Variants in ABL1 observed in about 807,000 individuals in gnomAD.
ABL1 encodes tyrosine-protein kinase ABL1.
ABL1 carries 11 observed loss-of-function variants against 94.7 expected under a neutral mutation model. The ratio of observed to expected loss-of-function variants is 0.12; its 90% CI spans 0.07 to 0.19. ABL1 has a LOEUF of 0.19. ABL1 is among the 10% of genes least tolerant of loss of function. The probability of loss-of-function intolerance (pLI) is 1.00; values close to 1 mark genes in which losing one functional copy is unlikely to be tolerated. For missense variants in ABL1, 1,082 were observed against 1,489.4 expected (o/e 0.73, Z 4.50); for synonymous variants, 656 against 622.4 (o/e 1.05, Z -0.80).
intron 1 of ABL1, chr9:130,724,690 CTACCTGGGATT>C (rs1292165847): frequency 1.8e-5 from 6 of 337,868 alleles, no homozygotes; most frequent in Non-Finnish European, 3.0e-5. Flanking sequence ...GTAATCCCAG[CTACCTGGGATT>C]GTGCCACTGC....
chr9:130,806,403 G>A (rs1181557703), intron 1 of ABL1, among the ~76,000 whole-genome samples: 1 of 152,192 alleles, frequency 6.6e-6, no homozygotes, highest in Non-Finnish European at 1.5e-5. Flanking sequence ...ACTGTAGGTA[G>A]TTGTACCAAT....
chr9:130,836,000 C>T lies in ABL1; in HGVS notation c.79+475C>T, dbSNP rs947471264. ...GGGACTGTGTGTTAAAAAGATCGACCCGTGTTTGTGAAAACATGCGATTTC... is the reference window on the plus strand; with the variant it reads ...GGGACTGTGTGTTAAAAAGATCGACTCGTGTTTGTGAAAACATGCGATTTC... On this transcript the variant is annotated intron_variant, in intron 1 of 10. Coordinates refer to ENST00000318560, the MANE Select transcript of ABL1 (RefSeq NM_005157.6). The surrounding 1 kb of genome is among the most constrained non-coding windows in gnomAD (Gnocchi z 4.6). 1.6e-4 allele frequency among the ~76,000 whole-genome samples: 24 copies of T among 152,244 alleles called. No individual in the cohort carries two copies. Among genetic ancestry groups the T allele is most frequent in the Non-Finnish European group, 2.8e-4 (19 of 68,044 alleles).
At chr9:130,735,087 T>C (rs1053451091) in intron 1 of ABL1, among the ~76,000 whole-genome samples, 1 of 152,152 alleles carries the variant, frequency 6.6e-6, no homozygotes. Context: ...TGGAGTGCAA[T>C]GGCATGATCT....
intron 4 of ABL1, among the ~76,000 whole-genome samples, chr9:130,870,072 C>T (rs1831228014): frequency 6.6e-6 from 1 of 152,202 alleles, no homozygotes; most frequent in African/African-American, 2.4e-5. Context: ...CTTGGCCTCC[C>T]AAAGTGTTGG....
Position 130,859,953 on chromosome 9 carries a change from A to G in ABL1, c.550-2810A>G, listed in dbSNP as rs371390413. ...CTTGGCCTCCCAAAGTGCTGGGATT[A>G]CAGGCGTGAGCCACTGCTCCTGGCA... On this transcript the variant is annotated intron_variant, in intron 3 of 10. Coordinates refer to ENST00000318560, the MANE Select transcript of ABL1 (RefSeq NM_005157.6). Among the ~76,000 whole-genome samples, 47 of 152,178 alleles carry G rather than the reference A, an allele frequency of 3.1e-4. 1 individual carries two copies. In the East Asian group the frequency reaches 8.7e-3, roughly 28 times the overall value.
At chr9:130,720,516 G>A (rs1194446283) in intron 1 of ABL1, among the ~76,000 whole-genome samples, 2 of 152,166 alleles carry the variant, frequency 1.3e-5, no homozygotes, top group Non-Finnish European at 2.9e-5. Flanking sequence ...CAAAAGGAGA[G>A]ATGCAGGAGG....
At chr9:130,828,080 C>CTTTT (rs978106498) in intron 1 of ABL1, among the ~76,000 whole-genome samples, 32 of 151,380 alleles carry the variant, frequency 2.1e-4, no homozygotes, top group Non-Finnish European at 1.3e-4. Flanking sequence ...AATTATTTTT[C>CTTTT]TTTTATTTAT....
chr9:130,885,289 C>T lies in ABL1; in HGVS notation c.2999C>T (p.Thr1000Ile), dbSNP rs1831554471. Residue 1000 changes from threonine (T) to isoleucine (I), a missense_variant, in exon 11 of 11, where the codon ACC becomes ATC. Physicochemically the swap from Thr to Ile is moderately conservative, Grantham distance 89. Around this residue, in one of 7 missense-constraint regions of ABL1, gnomAD observed 780 missense variants for 835.8 expected, o/e 0.93. Coordinates refer to ENST00000318560, the MANE Select transcript of ABL1 (RefSeq NM_005157.6). ...SALAGDQPSS[T>I]AFIPLISTRV... The stretch of plus-strand genomic sequence containing the variant: ...CTGGCAGGGGACCAGCCGTCTTCCA[C>T]CGCCTTCATCCCTCTCATATCAACC... 6.2e-7 allele frequency: 1 copy of T among 1,613,720 alleles called. No individual in the cohort carries two copies. The highest frequency in any genetic ancestry group is 8.5e-7 in the Non-Finnish European group (1 of 1,180,042).
Position 130,814,024 on chromosome 9 carries a change from T to C in ABL1, c.137-40040T>C, listed in dbSNP as rs1830248190. ...CAGTGTGGCCAGGCAGGGAGGCCCA[T>C]GCCTGTAATCCCAGCACTTTGGGAG... On this transcript the variant is annotated intron_variant, in intron 1 of 10. Coordinates refer to the ABL1 transcript ENST00000372348. This position sits in a 1 kb window ranked among gnomAD's most constrained non-coding sequence, Gnocchi z 4.4. Among the ~76,000 whole-genome samples the C allele has an allele frequency of 6.6e-6, 1 of 152,050 alleles. No individual in the cohort carries two copies. The highest frequency in any genetic ancestry group is 2.4e-5 in the African/African-American group (1 of 41,420).
intron 1 of ABL1, among the ~76,000 whole-genome samples, chr9:130,848,381 A>G (rs1352061622): frequency 6.7e-6 from 1 of 148,870 alleles, no homozygotes; most frequent in African/African-American, 2.5e-5. Context: ...AGCCAGGCGC[A>G]GTGGCTCACA....
In ABL1 at chr9:130,814,336, A is replaced by G. The variant is rs1002350685; in HGVS notation, c.137-39728A>G. 1.3e-5 allele frequency among the ~76,000 whole-genome samples: 2 copies of G among 152,202 alleles called. No individual in the cohort carries two copies. Among genetic ancestry groups the G allele is most frequent in the African/African-American group, 4.8e-5 (2 of 41,466 alleles). On this transcript the variant is annotated intron_variant, in intron 1 of 10. Transcript: ENST00000372348. This position sits in a 1 kb window ranked among gnomAD's most constrained non-coding sequence, Gnocchi z 4.4. ...AAAGAAAAGGCCAGTCTGGAAATCAATGAAACAGAAAACCAGTACAGAAAT... is the reference window on the plus strand; with the variant it reads ...AAAGAAAAGGCCAGTCTGGAAATCAGTGAAACAGAAAACCAGTACAGAAAT...
rs538401031 is a variant in ABL1 at position 130,754,035 on chromosome 9, T to C, written c.136+39580T>C. Among the ~76,000 whole-genome samples the C allele has an allele frequency of 2.1e-3, 313 of 148,318 alleles. 1 individual carries two copies. The highest frequency in any genetic ancestry group is 3.0e-3 in the Non-Finnish European group (201 of 67,256). On this transcript the variant is annotated intron_variant, in intron 1 of 10. Transcript: ENST00000372348. ...GTCTGGCCAACATGGTGAAACCCCG[T>C]CTCTACTAAAATATAAAAAAAATTA...
intron 1 of ABL1, among the ~76,000 whole-genome samples, chr9:130,851,766 C>CTTTTTTTTTT (rs149948786): frequency 3.3e-5 from 4 of 122,790 alleles, no homozygotes; most frequent in Admixed American, 8.4e-5. Context: ...CTCTCTTTTT[C>CTTTTTTTTTT]TTTTTTTTTT....
intron 1 of ABL1, among the ~76,000 whole-genome samples, chr9:130,739,465 A>G (rs1292436395): frequency 2.6e-5 from 4 of 151,984 alleles, no homozygotes; most frequent in Non-Finnish European, 4.4e-5. Flanking sequence ...TTTAAGCTTT[A>G]TTATTTATTA....
At chr9:130,797,768 A>G (rs1299915159) in intron 1 of ABL1, among the ~76,000 whole-genome samples, 2 of 152,226 alleles carry the variant, frequency 1.3e-5, no homozygotes, top group African/African-American at 2.4e-5. Context: ...TATGTTTGAC[A>G]GTTATTCCAA....
chr9:130,845,744 T>C (rs1166194823), intron 1 of ABL1, among the ~76,000 whole-genome samples: 1 of 152,192 alleles, frequency 6.6e-6, no homozygotes, highest in Non-Finnish European at 1.5e-5. Context: ...ATTACAAGTT[T>C]TTAAAAGTCT....
At chr9:130,867,271 CTG>C (rs1164943861) in intron 4 of ABL1, among the ~76,000 whole-genome samples, 1 of 152,232 alleles carries the variant, frequency 6.6e-6, no homozygotes, top group Non-Finnish European at 1.5e-5. Context: ...GCACGGATCT[CTG>C]TCTTCTGTTG....
chr9:130,882,804 G>T (rs770353561), intron 10 of ABL1, among the ~76,000 whole-genome samples: 116 of 152,164 alleles, frequency 7.6e-4, no homozygotes, highest in Admixed American at 1.6e-3. Flanking sequence ...AAAGTGCTGG[G>T]ATGACAGGCT....
At chr9:130,722,782 GT>G (rs1289736458) in intron 1 of ABL1, among the ~76,000 whole-genome samples, 1 of 152,150 alleles carries the variant, frequency 6.6e-6, no homozygotes, top group Non-Finnish European at 1.5e-5. Context: ...GAAAACAGAA[GT>G]TTCAATTGTG....
Sources: gnomAD v4.1 joint callset for allele counts (sites outside exome capture counted in the v4.1 genomes callset) on GRCh38, gnomAD v4.1.1 for gene constraint, gnomAD v4.1.1 regional missense constraint, Gnocchi (gnomAD v3.1) non-coding constraint, MANE v1.5 for transcripts, NCBI Gene and HGNC (gene_info 2026-07-23, HGNC 2026-07-21) for gene names.